LRRC7: variants seen among roughly 807,000 people sequenced by gnomAD.
LRRC7 encodes leucine rich repeat containing 7.
In LRRC7, 23 loss-of-function variants were observed where a neutral mutation model predicts 175.7. That is an observed-to-expected ratio of 0.13 (90% CI 0.09 to 0.19). The LOEUF (loss-of-function observed/expected upper bound fraction) is 0.19, where lower values mean the gene tolerates loss of function less well. Among genes scored for constraint, LRRC7 ranks in the 10% least tolerant of loss-of-function variants. The pLI is 1.00. For synonymous variants in LRRC7, 685 were observed against 680.9 expected (o/e 1.01, Z -0.09); for missense variants, 1,354 against 1,904.7 (o/e 0.71, Z 5.38).
At chr1:69,825,673 T>A (rs974675927) in intron 4 of LRRC7, 75 bp from the exon 5 acceptor site, 1 of 911,148 alleles carries the variant, frequency 1.1e-6, no homozygotes, top group Non-Finnish European at 1.7e-6. Flanking sequence ...TTAATAATTA[T>A]CTAAATATTA....
In LRRC7 at chr1:70,064,573, A is replaced by G. The variant is rs542614468; in HGVS notation, c.4230+11428A>G. Among the ~76,000 whole-genome samples, 42 of 152,070 alleles carry G rather than the reference A, an allele frequency of 2.8e-4. 1 individual carries two copies. The highest frequency in any genetic ancestry group is 9.4e-4 in the African/African-American group (39 of 41,548). ...ATAGCATAGCCCATTGCACTGTTAA[A>G]TAACCTCAACACCAGGAATATATTT... On this transcript the variant is annotated intron_variant, in intron 23 of 26. Transcript: ENST00000651989.
Position 70,041,220 on chromosome 1 carries a change from T to A in LRRC7, c.3969+1427T>A, listed in dbSNP as rs115167048. Among the ~76,000 whole-genome samples the A allele has an allele frequency of 8.6e-3, 1,304 of 152,320 alleles. 12 individuals carry two copies. Among genetic ancestry groups the A allele is most frequent in the African/African-American group, 0.03 (1,231 of 41,566 alleles). On this transcript the variant is annotated intron_variant, in intron 21 of 26. Transcript: ENST00000651989. ...CAGGTCACTGCATTTATTAGGTATT[T>A]CTTTAATACTGAATTTTACGTTTAC...
chr1:70,011,908 T>C lies in LRRC7; in HGVS notation c.1116T>C (p.Leu372=). ...LRTLAVDENF[L]PELPREIGSC... is the part of the protein sequence containing the mutation. Reference sequence around the variant, plus strand: ...CATTAGCAGTTGATGAGAATTTCCTTCCAGAATTACCCAGAGAAGTGAGAA... The same window carrying C: ...CATTAGCAGTTGATGAGAATTTCCTCCCAGAATTACCCAGAGAAGTGAGAA... Residue 372 remains leucine, a synonymous_variant, in exon 12 of 27, where the codon CTT becomes CTC. Transcript: ENST00000651989. The C allele has an allele frequency of 1.2e-6, 2 of 1,606,082 alleles. No individual in the cohort carries two copies. The highest frequency in any genetic ancestry group is 1.7e-6 in the Non-Finnish European group (2 of 1,173,444).
intron 8 of LRRC7, among the ~76,000 whole-genome samples, chr1:69,952,997 CAA>C (rs61277479): frequency 1.9e-3 from 108 of 56,974 alleles, no homozygotes; most frequent in African/African-American, 3.9e-3. Flanking sequence ...AGAGACAAGG[CAA>C]AAAAAAAAAA....
At chr1:69,623,839 T>C (rs1453265678) in intron 1 of LRRC7, among the ~76,000 whole-genome samples, 3 of 152,144 alleles carry the variant, frequency 2.0e-5, no homozygotes, top group African/African-American at 4.8e-5. Context: ...CGAGGCATGA[T>C]ATTATATTTA....
chr1:69,750,093 T>TAAATAAATAAATAAATAAATAATA (rs139997047), intron 2 of LRRC7, among the ~76,000 whole-genome samples: 1,567 of 142,208 alleles, frequency 0.011, 18 homozygotes, highest in African/African-American at 0.018. Flanking sequence ...AATAAATAAA[T>TAAATAAATAAATAAATAAATAATA]AATAATAACT....
At chr1:69,950,264 A>G (rs939971724) in intron 8 of LRRC7, among the ~76,000 whole-genome samples, 1 of 152,136 alleles carries the variant, frequency 6.6e-6, no homozygotes, top group Non-Finnish European at 1.5e-5. Flanking sequence ...AATATAGGAA[A>G]ACTGAAGAGT....
At chr1:69,971,967 C>G (rs1433812910) in intron 8 of LRRC7, among the ~76,000 whole-genome samples, 1 of 152,102 alleles carries the variant, frequency 6.6e-6, no homozygotes, top group Non-Finnish European at 1.5e-5. Context: ...GAAATAAACC[C>G]TCATACTTAC....
chr1:69,797,317 T>C (rs530985040), intron 4 of LRRC7, among the ~76,000 whole-genome samples: 1 of 152,154 alleles, frequency 6.6e-6, no homozygotes, highest in Non-Finnish European at 1.5e-5. Flanking sequence ...GACTACCTCA[T>C]ATCAAGTTTT....
chr1:69,792,137 A>C lies in LRRC7; in HGVS notation c.398A>C (p.Lys133Thr). The stretch of plus-strand genomic sequence containing the variant: ...ACTATTGCTAGTTTAGTTAATCTTA[A>C]AGAACTCGACATCAGTAAAAATGGT... ...PTTIASLVNL[K>T]ELDISKNGVQ... Residue 133 changes from lysine to threonine, a missense_variant, in exon 4 of 27, where the codon AAA (lysine) becomes ACA (threonine). This residue lies in a region of LRRC7 where 201 missense variants were observed against 481.4 expected (regional missense o/e 0.42). Coordinates refer to ENST00000651989, the MANE Select transcript of LRRC7 (RefSeq NM_001370785.2). 5 of 1,599,770 alleles carry C rather than the reference A, an allele frequency of 3.1e-6. No homozygotes were observed. The highest frequency in any genetic ancestry group is 4.3e-6 in the Non-Finnish European group (5 of 1,169,084).
chr1:69,815,144 ACCT>A (rs755665415), intron 4 of LRRC7, among the ~76,000 whole-genome samples: 2 of 150,636 alleles, frequency 1.3e-5, no homozygotes, highest in Non-Finnish European at 3.0e-5. Flanking sequence ...GCCTTGTGAA[ACCT>A]CCACCATCAT....
chr1:69,940,678 G>T (rs937717512), intron 8 of LRRC7, among the ~76,000 whole-genome samples: 1 of 152,018 alleles, frequency 6.6e-6, no homozygotes, highest in African/African-American at 2.4e-5. Flanking sequence ...TATTCTGCAA[G>T]CAAGGAGTAA....
At chr1:69,910,511 C>T (rs1044689172) in intron 7 of LRRC7, among the ~76,000 whole-genome samples, 81 of 152,194 alleles carry the variant, frequency 5.3e-4, no homozygotes, top group African/African-American at 1.9e-3. Flanking sequence ...GGCTGTAGAA[C>T]AGCAGACCTT....
At chr1:69,772,732 T>A (rs893454936) in intron 3 of LRRC7, among the ~76,000 whole-genome samples, 1 of 152,118 alleles carries the variant, frequency 6.6e-6, no homozygotes, top group Non-Finnish European at 1.5e-5. Flanking sequence ...AATTTGATAA[T>A]GAAATGGATT....
chr1:69,908,193 T>G (rs1646390068), intron 7 of LRRC7, among the ~76,000 whole-genome samples: 1 of 152,202 alleles, frequency 6.6e-6, no homozygotes, highest in South Asian at 2.1e-4. Context: ...TCAATTTTGT[T>G]GATCTTTTCA....
At chr1:69,927,751 G>A (rs1451712271) in intron 7 of LRRC7, among the ~76,000 whole-genome samples, 2 of 152,036 alleles carry the variant, frequency 1.3e-5, no homozygotes, top group African/African-American at 2.4e-5. Context: ...CCTTTGGTTT[G>A]AATTTCCTCC....
At chr1:69,810,641 T>A (rs1289012029) in intron 4 of LRRC7, among the ~76,000 whole-genome samples, 2 of 152,144 alleles carry the variant, frequency 1.3e-5, no homozygotes, top group Non-Finnish European at 2.9e-5. Context: ...CCTCTGATCT[T>A]TGACAAACCT....
At chr1:70,102,055 G>C (rs1198904259) in intron 25 of LRRC7, among the ~76,000 whole-genome samples, 1 of 152,194 alleles carries the variant, frequency 6.6e-6, no homozygotes, top group Non-Finnish European at 1.5e-5. Context: ...CCCGATGTGA[G>C]AGACATAAGA....
chr1:69,773,518 A>C (rs1672474021), intron 3 of LRRC7, among the ~76,000 whole-genome samples: 1 of 152,202 alleles, frequency 6.6e-6, no homozygotes, highest in Admixed American at 6.5e-5. Context: ...AATATCACTT[A>C]TAAAAGGAAT....
Sources: gnomAD v4.1 joint callset for allele counts (sites outside exome capture counted in the v4.1 genomes callset) on GRCh38, gnomAD v4.1.1 for gene constraint, gnomAD v4.1.1 regional missense constraint, MANE v1.5 for transcripts, NCBI Gene and HGNC (gene_info 2026-07-23, HGNC 2026-07-21) for gene names.